FRY: variants seen among roughly 807,000 people sequenced by gnomAD.
FRY encodes the protein protein furry homolog.
A neutral mutation model predicts 348.4 loss-of-function variants in FRY; 128 were observed. That is an observed-to-expected ratio of 0.37 (90% CI 0.32 to 0.43). FRY has a LOEUF of 0.43. Ranked by LOEUF, FRY falls within the 20% of genes least tolerant of loss-of-function variation. FRY has a pLI of 1.00. For missense variants in FRY, 2,736 were observed against 3,695.2 expected (o/e 0.74, Z 6.73); for synonymous variants, 1,370 against 1,374.7 (o/e 1.00, Z 0.08).
intron 1 of FRY, among the ~76,000 whole-genome samples, chr13:32,057,897 T>C (rs1873727436): frequency 6.6e-6 from 1 of 152,108 alleles, no homozygotes; most frequent in Admixed American, 6.5e-5. Context: ...GAGGCGGAGC[T>C]TGCAGTGAGC....
intron 51 of FRY, among the ~76,000 whole-genome samples, chr13:32,257,582 T>C (rs557537431): frequency 6.6e-6 from 1 of 152,340 alleles, no homozygotes; most frequent in Admixed American, 6.5e-5. Flanking sequence ...TATTTCCAGT[T>C]GATGACCCTC....
rs553767296 is a variant in FRY, at chr13:32,192,572, G to A, written c.3592-1571G>A. 1.4e-4 allele frequency among the ~76,000 whole-genome samples: 22 copies of A among 152,080 alleles called. No homozygotes were observed. In the South Asian group the frequency reaches 3.9e-3, roughly 27 times the overall value. On this transcript the variant is annotated intron_variant, in intron 28 of 60. Transcript: ENST00000542859. ...GCTGCTAATTACTTAAAGCGAGTTG[G>A]GGGAAACTAGGTTGAAGATGTTTGA...
chr13:32,235,131 G>C (rs1449118387), intron 42 of FRY, among the ~76,000 whole-genome samples: 1 of 152,130 alleles, frequency 6.6e-6, no homozygotes, highest in Non-Finnish European at 1.5e-5. Context: ...CCAGAGCAGG[G>C]ACCTCCACTG....
At chr13:32,042,156 C>T (rs1872775739) in intron 1 of FRY, among the ~76,000 whole-genome samples, 1 of 151,074 alleles carries the variant, frequency 6.6e-6, no homozygotes, top group African/African-American at 2.4e-5. Flanking sequence ...TAGTCAACCA[C>T]TTTATGAAAA....
intron 28 of FRY, among the ~76,000 whole-genome samples, chr13:32,188,837 C>T (rs1883172303): frequency 6.6e-6 from 1 of 152,078 alleles, no homozygotes; most frequent in South Asian, 2.1e-4. Context: ...TCATTGAAAA[C>T]TCTACTTGTC....
At chr13:32,212,750 T>C (rs1884756727) in intron 35 of FRY, among the ~76,000 whole-genome samples, 1 of 152,200 alleles carries the variant, frequency 6.6e-6, no homozygotes, top group Admixed American at 6.5e-5. Context: ...AGGGATAGAG[T>C]AGTCATCTTG....
At chr13:32,245,181 C>T (rs1373386113) in intron 47 of FRY, among the ~76,000 whole-genome samples, 1 of 152,030 alleles carries the variant, frequency 6.6e-6, no homozygotes, top group Non-Finnish European at 1.5e-5. Flanking sequence ...AACTCCTGAC[C>T]TCGTGATCCA....
chr13:32,235,379 T>G (rs755549578), intron 42 of FRY, among the ~76,000 whole-genome samples: 27 of 152,214 alleles, frequency 1.8e-4, no homozygotes, highest in South Asian at 6.2e-4. Flanking sequence ...ATCCTAGCAC[T>G]TTGAGAGGCC....
At chr13:32,291,614 A>G (rs1218407670) in intron 59 of FRY, among the ~76,000 whole-genome samples, 5 of 152,124 alleles carry the variant, frequency 3.3e-5, no homozygotes, top group African/African-American at 1.2e-4. Flanking sequence ...CATGTTGGTC[A>G]GGCTGGTCTC....
chr13:32,065,582 A>C (rs113123958), intron 1 of FRY, among the ~76,000 whole-genome samples: 1,889 of 151,276 alleles, frequency 0.012, 47 homozygotes, highest in African/African-American at 0.044. Context: ...CTAGGATTAC[A>C]AGCATGAGCC....
intron 46 of FRY, among the ~76,000 whole-genome samples, chr13:32,240,705 G>A (rs1006711439): frequency 1.3e-5 from 2 of 152,152 alleles, no homozygotes; most frequent in African/African-American, 4.8e-5. Flanking sequence ...ACTGGTAATC[G>A]CTACGTTGTT....
chr13:32,233,378 T>A (rs1352315206), intron 41 of FRY, among the ~76,000 whole-genome samples: 1 of 152,188 alleles, frequency 6.6e-6, no homozygotes, highest in Non-Finnish European at 1.5e-5. Context: ...CTTTTCTCCC[T>A]ACAGAGAGGC....
intron 1 of FRY, among the ~76,000 whole-genome samples, chr13:32,057,483 A>T (rs1276637295): frequency 6.6e-6 from 1 of 152,056 alleles, no homozygotes. Context: ...AGTAGGCTAC[A>T]TTTAGTGAGA....
intron 17 of FRY, among the ~76,000 whole-genome samples, chr13:32,167,330 C>A (rs1881796919): frequency 1.3e-5 from 2 of 152,180 alleles, no homozygotes; most frequent in Admixed American, 1.3e-4. Context: ...TTGTGTCCTG[C>A]TCAAGACTAT....
intron 11 of FRY, among the ~76,000 whole-genome samples, chr13:32,145,706 G>A (rs34216449): frequency 0.33 from 49,831 of 150,134 alleles, 8,499 homozygotes; most frequent in East Asian, 0.48. Flanking sequence ...CACCGCGCCC[G>A]GCTAATTTTT....
At chr13:32,132,858 A>T (rs1316950051) in intron 8 of FRY, among the ~76,000 whole-genome samples, 1 of 152,250 alleles carries the variant, frequency 6.6e-6, no homozygotes, top group East Asian at 1.9e-4. Context: ...ATTTGGCCAT[A>T]AAAAGTAGTG....
At chr13:32,195,594 A>G (rs893841752) in intron 29 of FRY, among the ~76,000 whole-genome samples, 2 of 152,210 alleles carry the variant, frequency 1.3e-5, no homozygotes, top group Non-Finnish European at 2.9e-5. Context: ...ATTGCATTGC[A>G]TGGACATCTC....
chr13:32,139,976 T>C lies in FRY; in HGVS notation c.1179+3004T>C, dbSNP rs115690157. ...AAATTAAATGAAATGATGTTCATAATACTATGTGCTAGTTTCTTATCCTTC... is the reference window on the plus strand; with the variant it reads ...AAATTAAATGAAATGATGTTCATAACACTATGTGCTAGTTTCTTATCCTTC... On this transcript the variant is annotated intron_variant, in intron 11 of 60. Transcript: ENST00000542859. 8.2e-3 allele frequency among the ~76,000 whole-genome samples: 1,253 copies of C among 152,170 alleles called. 22 individuals carry two copies. Among genetic ancestry groups the C allele is most frequent in the African/African-American group, 0.029 (1,202 of 41,518 alleles).
chr13:32,134,817 G>A (rs1879596762), intron 8 of FRY, 87 bp from the exon 9 acceptor site: 1 of 825,610 alleles, frequency 1.2e-6, no homozygotes. Context: ...ATTGAATTAA[G>A]AGCTACTTAC....
Sources: allele counts gnomAD v4.1 joint callset (sites outside exome capture counted in the v4.1 genomes callset), GRCh38; gene constraint gnomAD v4.1.1; transcripts MANE v1.5; gene names NCBI Gene and HGNC (gene_info 2026-07-23, HGNC 2026-07-21).